The following CLEC3B variants were observed in gnomAD, a reference collection of about 807,000 sequenced individuals.
CLEC3B encodes C-type lectin domain family 3 member B, also known as tetranectin.
A neutral mutation model predicts 15.4 loss-of-function variants in CLEC3B; 13 were observed. The observed-to-expected ratio is 0.84, with a 90% CI of 0.55 to 1.34. CLEC3B has a LOEUF of 1.34. Ranked by LOEUF, CLEC3B falls within the 40% of genes most tolerant of loss-of-function variation. The pLI, the probability that CLEC3B is intolerant of heterozygous loss-of-function variation, is 0.00. For synonymous variants in CLEC3B, 112 were observed against 114.7 expected, an observed-to-expected ratio of 0.98 and a Z score of 0.15; for missense variants, 242 against 268.6, an observed-to-expected ratio of 0.90 and a Z score of 0.69.
chr3:45,026,672 T>G (rs948128145), intron 1 of CLEC3B, among the ~76,000 whole-genome samples: 13 of 152,174 alleles, frequency 8.5e-5, no homozygotes, highest in African/African-American at 2.9e-4. Context: ...CCCTTAGAGT[T>G]GGGAAGAACC....
In CLEC3B at chr3:45,026,400, T is replaced by C; in HGVS notation, c.38T>C (p.Phe13Ser). The C allele has an allele frequency of 6.2e-7, 1 of 1,613,858 alleles. No homozygotes were observed. The highest frequency in any genetic ancestry group is 1.3e-5 in the African/African-American group (1 of 74,928). Residue 13 changes from phenylalanine to serine, a missense_variant, in exon 1 of 3, where the codon TTC becomes TCC. By Grantham distance (155) the Phe-to-Ser change is radical. Coordinates refer to ENST00000296130, the MANE Select transcript of CLEC3B (RefSeq NM_003278.3). ...LWGAYLLLCL[F>S]SLLTQVTTEP... ...GGGGCCTACCTCCTCCTCTGCCTCT[T>C]CTCCCTCCTGACCCAGGTCACCACC...
chr3:45,030,186 G>C, intron 1 of CLEC3B: 1 of 985,886 alleles, frequency 1.0e-6, no homozygotes. Flanking sequence ...GGTTCCTTCT[G>C]CCCTCATCTT....
In CLEC3B at chr3:45,031,014, A is replaced by G. The variant is rs898415393; in HGVS notation, c.208+89A>G. The G allele has an allele frequency of 1.0e-5, 9 of 889,066 alleles. No individual in the cohort carries two copies. In the Admixed American group the frequency reaches 2.2e-4, roughly 22 times the overall value. 55.1% of individuals were successfully genotyped at this position (889,066 alleles called of 1,614,324 possible). A position where few individuals can be genotyped will look rare whatever the true frequency, so the allele number is the denominator to read the frequency against. The stretch of plus-strand genomic sequence containing the variant: ...AGCAATGCTCTTCTCGCCTCCGTTC[A>G]GCATCAGGGTCCTGGCTCCATTAGT... On this transcript the variant is annotated intron_variant, in intron 2 of 2. Transcript: ENST00000296130.
intron 2 of CLEC3B, chr3:45,034,353 G>A (rs1232186282): frequency 6.6e-6 from 1 of 152,262 alleles, no homozygotes; most frequent in Non-Finnish European, 1.5e-5. Context: ...TTTAAAGTCG[G>A]TTGTGGTGTC....
At chr3:45,027,323 C>T (rs952056935) in intron 1 of CLEC3B, among the ~76,000 whole-genome samples, 15 of 152,152 alleles carry the variant, frequency 9.9e-5, no homozygotes, top group Admixed American at 6.5e-4. Context: ...TAGGCCCTCC[C>T]GGGGCTCTTC....
intron 1 of CLEC3B, 105 bp downstream of exon 1, chr3:45,026,576 CT>C (rs1350506581): frequency 8.5e-6 from 9 of 1,055,722 alleles, no homozygotes; most frequent in Non-Finnish European, 1.3e-5. Context: ...TTTGAGTCAT[CT>C]AGGGAACTTG....
chr3:45,035,870 C>T lies in CLEC3B; in HGVS notation c.555C>T (p.Phe185=). The T allele has an allele frequency of 1.2e-6, 2 of 1,611,770 alleles. No individual in the cohort carries two copies. Among genetic ancestry groups the T allele is most frequent in the South Asian group, 2.2e-5 (2 of 91,030 alleles). ...VLSGAANGKW[F]DKRCRDQLPY... ...CAGGCGCGGCCAACGGCAAGTGGTTCGACAAGCGCTGCCGCGATCAGCTGC... is the reference window on the plus strand; with the variant it reads ...CAGGCGCGGCCAACGGCAAGTGGTTTGACAAGCGCTGCCGCGATCAGCTGC... The change falls in exon 3 of 3, where the codon TTC becomes TTT. Residue 185 remains phenylalanine, a synonymous_variant. Transcript: ENST00000296130.
chr3:45,035,437 G>A (rs750665877), intron 2 of CLEC3B, 87 bp from the exon 3 acceptor site: 10 of 1,510,684 alleles, frequency 6.6e-6, no homozygotes, highest in Middle Eastern at 1.8e-4. Flanking sequence ...GGATGGGATG[G>A]AGGACGGTGG....
intron 1 of CLEC3B, chr3:45,030,232 A>G: frequency 3.0e-6 from 3 of 986,200 alleles, no homozygotes; most frequent in Non-Finnish European, 3.6e-6. Context: ...TCAGCCAAGC[A>G]CTGAGGTAGG....
rs755119450 is a variant in CLEC3B, at chr3:45,035,583, A to G, written c.268A>G (p.Thr90Ala). ...CTTTCTGGCCTTCACCCAGACGAAG[A>G]CCTTCCACGAGGCCAGCGAGGACTG... is the stretch of plus-strand genomic sequence containing the variant. ...KCFLAFTQTK[T>A]FHEASEDCIS... is the part of the protein sequence containing the mutation. Residue 90 changes from threonine (T) to alanine (A), a missense_variant, in exon 3 of 3, where the codon ACC becomes GCC. Thr to Ala is a moderately conservative substitution (Grantham distance 58, BLOSUM62 0). Coordinates refer to ENST00000296130, the MANE Select transcript of CLEC3B (RefSeq NM_003278.3). 2 of 1,613,914 alleles carry G rather than the reference A, an allele frequency of 1.2e-6. No individual in the cohort carries two copies. Among genetic ancestry groups the G allele is most frequent in the Admixed American group, 1.7e-5 (1 of 60,018 alleles).
chr3:45,030,786 T>C (rs1697543091), intron 1 of CLEC3B, 41 bp from the exon 2 acceptor site: 2 of 1,408,708 alleles, frequency 1.4e-6, no homozygotes, highest in Non-Finnish European at 2.0e-6. Context: ...TCCTTCCTGC[T>C]CAGTCCCTGC....
chr3:45,035,797 T>C lies in CLEC3B; in HGVS notation c.482T>C (p.Ile161Thr). Residue 161 changes from isoleucine (I) to threonine (T), a missense_variant, in exon 3 of 3, where the codon ATC (isoleucine) becomes ACC (threonine). Ile to Thr is a moderately conservative substitution (Grantham distance 89, BLOSUM62 -1). Transcript: ENST00000296130. ...GCCTACAAGAACTGGGAGACTGAGA[T>C]CACCGCGCAACCCGATGGCGGCAAG... ...RIAYKNWETE[I>T]TAQPDGGKTE... The C allele has an allele frequency of 6.2e-7, 1 of 1,613,516 alleles. No individual in the cohort carries two copies. Among genetic ancestry groups the C allele is most frequent in the Non-Finnish European group, 8.5e-7 (1 of 1,179,964 alleles).
At chr3:45,032,316 C>T (rs897419958) in intron 2 of CLEC3B, among the ~76,000 whole-genome samples, 14 of 152,192 alleles carry the variant, frequency 9.2e-5, no homozygotes. Context: ...TGCACTCCCA[C>T]CACAGGGCCT....
chr3:45,032,211 C>T (rs1310656651), intron 2 of CLEC3B, among the ~76,000 whole-genome samples: 1 of 152,172 alleles, frequency 6.6e-6, no homozygotes, highest in African/African-American at 2.4e-5. Context: ...CCCCGCCTGC[C>T]TCCTCAGAAA....
chr3:45,030,942 G>T lies in CLEC3B; in HGVS notation c.208+17G>T. ...TGCAGACGGGTGAGTGCAGGCAGTA[G>T]CCTCTCTGGGCAGGAGCGTCTGAGA... On this transcript the variant is annotated intron_variant, in intron 2 of 2. Transcript: ENST00000296130. 9 of 1,534,122 alleles carry T rather than the reference G, an allele frequency of 5.9e-6. No individual in the cohort carries two copies. The highest frequency in any genetic ancestry group is 1.8e-4 in the Middle Eastern group (1 of 5,444).
chr3:45,027,729 A>G (rs1034947504), intron 1 of CLEC3B, among the ~76,000 whole-genome samples: 3 of 152,168 alleles, frequency 2.0e-5, no homozygotes, highest in Non-Finnish European at 4.4e-5. Flanking sequence ...CTTCCACAAA[A>G]TGTTCATTTA....
rs1156988056 is a variant in CLEC3B, at chr3:45,030,824, C to T, written c.110-3C>T. The T allele has an allele frequency of 1.4e-5, 22 of 1,582,164 alleles. No homozygotes were observed. Among genetic ancestry groups the T allele is most frequent in the Non-Finnish European group, 1.8e-5 (21 of 1,163,214 alleles). ...CACCCTGACATATTTCCTCCTGCTT[C>T]AGATGTTGTGAACACAAAGATGTTT... On this transcript the variant is annotated splice_region_variant and splice_polypyrimidine_tract_variant and intron_variant, in intron 1 of 2. Coordinates refer to ENST00000296130, the MANE Select transcript of CLEC3B (RefSeq NM_003278.3).
Position 45,035,816 on chromosome 3 carries a change from C to T in CLEC3B, c.501C>T (p.Gly167=), listed in dbSNP as rs1697635443. ...CTGAGATCACCGCGCAACCCGATGG[C>T]GGCAAGACCGAGAACTGCGCGGTCC... ...WETEITAQPD[G]GKTENCAVLS... Residue 167 remains glycine (G), a synonymous_variant, in exon 3 of 3, where the codon GGC becomes GGT. Transcript: ENST00000296130. 6.2e-7 allele frequency: 1 copy of T among 1,613,258 alleles called. No individual in the cohort carries two copies. The highest frequency in any genetic ancestry group is 8.5e-7 in the Non-Finnish European group (1 of 1,179,976).
intron 2 of CLEC3B, 94 bp downstream of exon 2, chr3:45,031,019 C>A: frequency 1.2e-6 from 1 of 862,646 alleles, no homozygotes; most frequent in Non-Finnish European, 1.8e-6. Flanking sequence ...CGTTCAGCAT[C>A]AGGGTCCTGG....
Sources: allele counts gnomAD v4.1 joint callset (sites outside exome capture counted in the v4.1 genomes callset), GRCh38; gene constraint gnomAD v4.1.1; transcripts MANE v1.5; gene names NCBI Gene and HGNC (gene_info 2026-07-23, HGNC 2026-07-21).